The following PLCL1 variants were observed in gnomAD, a reference collection of about 807,000 sequenced individuals.
The protein encoded by PLCL1 is inactive phospholipase C-like protein 1.
PLCL1 carries 41 observed loss-of-function variants against 84.4 expected under a neutral mutation model. That is an observed-to-expected ratio of 0.49 (90% CI 0.38 to 0.63). PLCL1 has a LOEUF of 0.63. PLCL1 is among the 30% of genes least tolerant of loss of function. The pLI is 0.00. For missense variants in PLCL1, 1,206 were observed against 1,367.8 expected (o/e 0.88, Z 1.87); for synonymous variants, 490 against 488.3 (o/e 1.00, Z -0.05).
chr2:197,931,285 C>A (rs1688925888), intron 1 of PLCL1, among the ~76,000 whole-genome samples: 1 of 152,112 alleles, frequency 6.6e-6, no homozygotes, highest in Non-Finnish European at 1.5e-5. Flanking sequence ...CTTTCCTCAC[C>A]CACCTCAGAG....
intron 5 of PLCL1, among the ~76,000 whole-genome samples, chr2:198,126,551 G>C (rs989056): frequency 0.91 from 139,215 of 152,192 alleles, 63,745 homozygotes; most frequent in East Asian, 1. Flanking sequence ...TAACCATGAC[G>C]TCAACCTAGA....
At chr2:198,092,420 A>G (rs1399741525) in intron 3 of PLCL1, among the ~76,000 whole-genome samples, 1 of 152,176 alleles carries the variant, frequency 6.6e-6, no homozygotes, top group Non-Finnish European at 1.5e-5. Flanking sequence ...ACAATATGTA[A>G]TGATCAAATT....
In PLCL1 at chr2:198,085,418, A is replaced by G; in HGVS notation, c.1901A>G (p.Tyr634Cys). Residue 634 changes from tyrosine (Y) to cysteine (C), a missense_variant, in exon 2 of 6, where the codon TAT becomes TGT. Transcript: ENST00000428675. The surrounding 1 kb of genome is among the most constrained non-coding windows in gnomAD (Gnocchi z 5.3). ...GAGTACCCAGAGGATTTTGTTAATTATAATAAGAAGTTCTTATCAAGAATC... is the reference window on the plus strand; with the variant it reads ...GAGTACCCAGAGGATTTTGTTAATTGTAATAAGAAGTTCTTATCAAGAATC... Reference protein sequence around the residue: ...ANEYPEDFVNYNKKFLSRIYP... With the variant: ...ANEYPEDFVNCNKKFLSRIYP... 1 of 1,612,028 alleles carries G rather than the reference A, an allele frequency of 6.2e-7. No homozygotes were observed. The highest frequency in any genetic ancestry group is 8.5e-7 in the Non-Finnish European group (1 of 1,178,258).
At chr2:198,009,510 T>C (rs1329284580) in intron 1 of PLCL1, among the ~76,000 whole-genome samples, 1 of 152,054 alleles carries the variant, frequency 6.6e-6, no homozygotes, top group Admixed American at 6.6e-5. Flanking sequence ...CAGTGGTTTA[T>C]TTCTGGGCTC....
At chr2:198,048,853 G>A (rs1691865898) in intron 1 of PLCL1, among the ~76,000 whole-genome samples, 1 of 152,176 alleles carries the variant, frequency 6.6e-6, no homozygotes, top group Non-Finnish European at 1.5e-5. Context: ...CACTGCACTG[G>A]GGACTAAGTT....
intron 1 of PLCL1, among the ~76,000 whole-genome samples, chr2:197,994,585 T>C (rs1156449444): frequency 2.0e-5 from 3 of 152,214 alleles, no homozygotes; most frequent in Admixed American, 6.5e-5. Flanking sequence ...ATGAATTCCA[T>C]GAAATTTATC....
chr2:198,106,056 GT>G (rs1220688845), intron 5 of PLCL1, among the ~76,000 whole-genome samples: 2 of 151,844 alleles, frequency 1.3e-5, no homozygotes, highest in African/African-American at 4.8e-5. Flanking sequence ...GTTTTATGAG[GT>G]TTATATGAAT....
chr2:198,124,621 C>A (rs1350791424), intron 5 of PLCL1, among the ~76,000 whole-genome samples: 1 of 152,056 alleles, frequency 6.6e-6, no homozygotes, highest in African/African-American at 2.4e-5. Flanking sequence ...ATTCAAAAAA[C>A]ACAAACAAAG....
intron 1 of PLCL1, among the ~76,000 whole-genome samples, chr2:197,934,622 G>C (rs1004403494): frequency 5.3e-5 from 8 of 151,734 alleles, no homozygotes; most frequent in Non-Finnish European, 1.2e-4. Flanking sequence ...TTCTTCGTTA[G>C]GAAAGAAAAA....
intron 1 of PLCL1, among the ~76,000 whole-genome samples, chr2:198,074,041 A>G (rs976715435): frequency 5.3e-5 from 8 of 152,204 alleles, no homozygotes; most frequent in African/African-American, 1.9e-4. Context: ...ACCTACATGT[A>G]TATATTACTG....
At chr2:197,881,817 C>T (rs984876763) in intron 1 of PLCL1, among the ~76,000 whole-genome samples, 23 of 152,124 alleles carry the variant, frequency 1.5e-4, no homozygotes, top group African/African-American at 5.3e-4. Context: ...AAGCATTCAT[C>T]ACCCAGCTCC....
At chr2:197,985,824 G>T (rs751041137) in intron 1 of PLCL1, among the ~76,000 whole-genome samples, 1 of 152,186 alleles carries the variant, frequency 6.6e-6, no homozygotes, top group Non-Finnish European at 1.5e-5. Flanking sequence ...TTGATATTAT[G>T]AAGTGTTGTG....
intron 5 of PLCL1, among the ~76,000 whole-genome samples, chr2:198,135,326 A>T (rs1228354193): frequency 6.6e-6 from 1 of 152,160 alleles, no homozygotes; most frequent in African/African-American, 2.4e-5. Context: ...TTCATTTGAA[A>T]TGCAATTAAT....
intron 1 of PLCL1, among the ~76,000 whole-genome samples, chr2:198,063,164 C>A (rs1284641598): frequency 6.9e-6 from 1 of 145,700 alleles, no homozygotes; most frequent in Non-Finnish European, 1.5e-5. Flanking sequence ...CTATACTTTA[C>A]TGAGTTTTTT....
intron 1 of PLCL1, among the ~76,000 whole-genome samples, chr2:197,996,653 G>T (rs181738754): frequency 3.9e-5 from 6 of 152,048 alleles, no homozygotes; most frequent in African/African-American, 1.4e-4. Flanking sequence ...GTGCATAGCA[G>T]CTATACTTCT....
intron 1 of PLCL1, among the ~76,000 whole-genome samples, chr2:197,923,189 G>T (rs1374360189): frequency 5.5e-5 from 8 of 144,468 alleles, no homozygotes; most frequent in African/African-American, 2.1e-4. Flanking sequence ...CGGACGGGGC[G>T]GCTGGCCGGG....
intron 1 of PLCL1, among the ~76,000 whole-genome samples, chr2:197,951,718 C>G (rs760848368): frequency 2.0e-4 from 31 of 152,206 alleles, no homozygotes; most frequent in South Asian, 2.1e-4. Flanking sequence ...GAAATTCCAG[C>G]GAACACATAG....
At chr2:198,143,313 C>G (rs549937188) in intron 5 of PLCL1, among the ~76,000 whole-genome samples, 1 of 152,256 alleles carries the variant, frequency 6.6e-6, no homozygotes, top group Non-Finnish European at 1.5e-5. Context: ...AATGTCGCTG[C>G]TGATGTGACA....
intron 5 of PLCL1, among the ~76,000 whole-genome samples, chr2:198,120,325 A>G (rs1325358050): frequency 6.6e-6 from 1 of 151,942 alleles, no homozygotes; most frequent in Non-Finnish European, 1.5e-5. Context: ...TTTTAAATAA[A>G]CCAATTATAC....
Sources: allele counts gnomAD v4.1 joint callset (sites outside exome capture counted in the v4.1 genomes callset), GRCh38; gene constraint gnomAD v4.1.1; non-coding constraint Gnocchi (gnomAD v3.1); transcripts MANE v1.5; gene names NCBI Gene and HGNC (gene_info 2026-07-23, HGNC 2026-07-21).